The following MC2R variants were observed in gnomAD, a reference collection of about 807,000 sequenced individuals.
MC2R encodes adrenocorticotropic hormone receptor.
A neutral mutation model predicts 9.8 loss-of-function variants in MC2R; 9 were observed. The ratio of observed to expected loss-of-function variants is 0.92; its 90% CI spans 0.55 to 1.60. The LOEUF is 1.60. MC2R is among the 40% of genes most tolerant of loss of function. The pLI is 0.00. For missense variants in MC2R, 370 were observed against 389.0 expected, an observed-to-expected ratio of 0.95 and a Z score of 0.41; for synonymous variants, 185 against 154.7, an observed-to-expected ratio of 1.20 and a Z score of -1.45.
In MC2R at chr18:13,883,164, T is replaced by C. The variant is rs1341932743; in HGVS notation, c.*1461A>G. 1 of 152,434 alleles carries C rather than the reference T, an allele frequency of 6.6e-6. No homozygotes were observed. Among genetic ancestry groups the C allele is most frequent in the Non-Finnish European group, 1.5e-5 (1 of 68,194 alleles). The allele number at this position is 152,434 out of a possible 1,614,324, so 9.4% of individuals were successfully genotyped here. On this transcript the variant is annotated 3_prime_UTR_variant, in exon 2 of 2. Transcript: ENST00000327606. The stretch of plus-strand genomic sequence containing the variant: ...CTCCTGAGGGCAAAGCATTGCCTGT[T>C]CTGGAAGATACCATCCATCCTGCAG...
intron 1 of MC2R, among the ~76,000 whole-genome samples, chr18:13,913,195 GT>G (rs1217555436): frequency 6.6e-6 from 1 of 150,564 alleles, no homozygotes; most frequent in African/African-American, 2.5e-5. Context: ...GAGTGTTCTG[GT>G]TGGAAATCAG....
intron 1 of MC2R, among the ~76,000 whole-genome samples, chr18:13,905,067 C>G (rs944316737): frequency 2.0e-5 from 3 of 152,130 alleles, no homozygotes; most frequent in African/African-American, 7.2e-5. Context: ...AGCTTCTGCA[C>G]AGCAAAAGAA....
chr18:13,888,350 G>C (rs946700178), intron 1 of MC2R, among the ~76,000 whole-genome samples: 1 of 152,188 alleles, frequency 6.6e-6, no homozygotes, highest in Non-Finnish European at 1.5e-5. Flanking sequence ...GGGGGCTGCA[G>C]GTGGTGTGTG....
intron 1 of MC2R, among the ~76,000 whole-genome samples, chr18:13,887,279 G>A (rs2045282253): frequency 1.6e-5 from 2 of 122,934 alleles, no homozygotes; most frequent in South Asian, 2.5e-4. Context: ...TCAGGGATGG[G>A]AGGGGGCCTG....
intron 1 of MC2R, among the ~76,000 whole-genome samples, chr18:13,898,877 T>A (rs112937462): frequency 0.013 from 1,926 of 152,296 alleles, 29 homozygotes; most frequent in African/African-American, 0.044. Context: ...CTTTTAAATA[T>A]CTGGAAAGCC....
intron 1 of MC2R, among the ~76,000 whole-genome samples, chr18:13,899,560 C>T (rs933609581): frequency 2.6e-5 from 4 of 152,034 alleles, no homozygotes; most frequent in African/African-American, 9.7e-5. Flanking sequence ...TACCTCAAGG[C>T]ATTTAATAAT....
At chr18:13,902,430 A>C (rs1218750936) in intron 1 of MC2R, among the ~76,000 whole-genome samples, 1 of 152,156 alleles carries the variant, frequency 6.6e-6, no homozygotes, top group Non-Finnish European at 1.5e-5. Context: ...ACATTACCTG[A>C]CTTCACATTA....
At chr18:13,889,527 G>C (rs944996726) in intron 1 of MC2R, among the ~76,000 whole-genome samples, 1 of 152,108 alleles carries the variant, frequency 6.6e-6, no homozygotes, top group Non-Finnish European at 1.5e-5. Flanking sequence ...GCTGGGAGGG[G>C]CGCACAAATC....
chr18:13,885,219 G>A lies in MC2R; in HGVS notation c.300C>T (p.Thr100=). 2 of 1,614,110 alleles carry A rather than the reference G, an allele frequency of 1.2e-6. No individual in the cohort carries two copies. The highest frequency in any genetic ancestry group is 1.7e-6 in the Non-Finnish European group (2 of 1,180,038). ...GGGAGTCGATGATGTCATCGGCTGTGGTTTCAAAACTGCCACGTGGCTTGA... is the reference window on the plus strand; with the variant it reads ...GGGAGTCGATGATGTCATCGGCTGTAGTTTCAAAACTGCCACGTGGCTTGA... ...GYLKPRGSFE[T]TADDIIDSLF... Residue 100 remains threonine (T), a synonymous_variant, in exon 2 of 2, where the codon ACC becomes ACT. Coordinates refer to ENST00000327606, the MANE Select transcript of MC2R (RefSeq NM_000529.2).
In MC2R at chr18:13,882,744, A is replaced by G. The variant is rs1254917137; in HGVS notation, c.*1881T>C. Reference sequence around the variant, plus strand: ...TTGAGAATACGCACTTTAATCACATAAAATATGTTATACATTACTTTTTCA... The same window carrying G: ...TTGAGAATACGCACTTTAATCACATGAAATATGTTATACATTACTTTTTCA... On this transcript the variant is annotated 3_prime_UTR_variant, in exon 2 of 2. Coordinates refer to ENST00000327606, the MANE Select transcript of MC2R (RefSeq NM_000529.2). 1.3e-5 allele frequency: 2 copies of G among 152,276 alleles called. No homozygotes were observed. Among genetic ancestry groups the G allele is most frequent in the African/African-American group, 4.8e-5 (2 of 41,470 alleles). 9.4% of individuals were successfully genotyped at this position (152,276 alleles called of 1,614,324 possible). A position where few individuals can be genotyped will look rare whatever the true frequency, so the allele number is the denominator to read the frequency against.
rs1178286046 is a variant in MC2R at position 13,885,140 on chromosome 18, C to T, written c.379G>A (p.Asp127Asn). The change falls in exon 2 of 2, where the codon GAC becomes AAC. Residue 127 changes from aspartate (D) to asparagine (N), a missense_variant. Transcript: ENST00000327606. The stretch of plus-strand genomic sequence containing the variant: ...GCGTGGAAGATGGTGATGTAGCGGT[C>T]CGCAGCAATCACAGACAGGCTGAAG... ...SIFSLSVIAA[D>N]RYITIFHALR... The T allele has an allele frequency of 2.5e-6, 4 of 1,614,000 alleles. No individual in the cohort carries two copies. Among genetic ancestry groups the T allele is most frequent in the Non-Finnish European group, 3.4e-6 (4 of 1,180,036 alleles).
At chr18:13,914,214 C>T (rs1203714957) in intron 1 of MC2R, among the ~76,000 whole-genome samples, 1 of 152,178 alleles carries the variant, frequency 6.6e-6, no homozygotes, top group Non-Finnish European at 1.5e-5. Context: ...GGTTCATGCC[C>T]TCCTCCACCC....
rs104894657 is a variant in MC2R, at chr18:13,885,137, G to A, written c.382C>T (p.Arg128Cys). The change falls in exon 2 of 2, where the codon CGC becomes TGC. Residue 128 changes from arginine (R) to cysteine (C), a missense_variant. Coordinates refer to ENST00000327606, the MANE Select transcript of MC2R (RefSeq NM_000529.2). ...AGTGCGTGGAAGATGGTGATGTAGCGGTCCGCAGCAATCACAGACAGGCTG... is the reference window on the plus strand; with the variant it reads ...AGTGCGTGGAAGATGGTGATGTAGCAGTCCGCAGCAATCACAGACAGGCTG... ...IFSLSVIAAD[R>C]YITIFHALRY... The A allele has an allele frequency of 1.3e-5, 21 of 1,614,002 alleles. No homozygotes were observed. Among genetic ancestry groups the A allele is most frequent in the Non-Finnish European group, 1.7e-5 (20 of 1,180,046 alleles).
chr18:13,892,562 C>G (rs1416227477), intron 1 of MC2R, among the ~76,000 whole-genome samples: 2 of 152,150 alleles, frequency 1.3e-5, no homozygotes, highest in Admixed American at 6.5e-5. Context: ...CACCCCTTCA[C>G]TCCTAGATGC....
chr18:13,905,316 T>C (rs1400938128), intron 1 of MC2R, among the ~76,000 whole-genome samples: 1 of 151,704 alleles, frequency 6.6e-6, no homozygotes, highest in African/African-American at 2.4e-5. Context: ...TGAAACCCCG[T>C]CTCTACTAAA....
intron 1 of MC2R, among the ~76,000 whole-genome samples, chr18:13,908,337 A>G (rs2045425477): frequency 6.6e-6 from 1 of 152,184 alleles, no homozygotes; most frequent in African/African-American, 2.4e-5. Context: ...TCTCATGAAG[A>G]CAGATAGTGG....
At chr18:13,887,758 G>A (rs906939680) in intron 1 of MC2R, among the ~76,000 whole-genome samples, 2 of 152,156 alleles carry the variant, frequency 1.3e-5, no homozygotes, top group African/African-American at 2.4e-5. Flanking sequence ...TCCTGCCTTC[G>A]GACTAGCACA....
chr18:13,888,674 C>T (rs1323422150), intron 1 of MC2R, among the ~76,000 whole-genome samples: 2 of 152,236 alleles, frequency 1.3e-5, no homozygotes, highest in African/African-American at 2.4e-5. Context: ...TTCCTCTCGA[C>T]TTGGCCTTTC....
In MC2R at chr18:13,885,294, T is replaced by C. The variant is rs1228847195; in HGVS notation, c.225A>G (p.Leu75=). The change falls in exon 2 of 2, where the codon CTA becomes CTG. Residue 75 remains leucine, a synonymous_variant. Transcript: ENST00000327606. ...SLAISDMLGS[L]YKILENILII... is the part of the protein sequence containing the mutation. ...TCAGGATATTTTCCAAGATCTTATA[T>C]AGGCTGCCCAGCATATCAGATATGG... is the stretch of plus-strand genomic sequence containing the variant. The C allele has an allele frequency of 3.1e-6, 5 of 1,614,212 alleles. No individual in the cohort carries two copies. Among genetic ancestry groups the C allele is most frequent in the African/African-American group, 1.3e-5 (1 of 75,062 alleles).
Sources: gnomAD v4.1 joint callset for allele counts (sites outside exome capture counted in the v4.1 genomes callset) on GRCh38, gnomAD v4.1.1 for gene constraint, MANE v1.5 for transcripts, NCBI Gene and HGNC (gene_info 2026-07-23, HGNC 2026-07-21) for gene names.